Variants in PCDHGB5 observed in about 807,000 individuals in gnomAD.
PCDHGB5 encodes protocadherin gamma-B5.
In PCDHGB5, 48 loss-of-function variants were observed where a neutral mutation model predicts 62.9. The ratio of observed to expected loss-of-function variants is 0.76; its 90% CI spans 0.61 to 0.97. The LOEUF (loss-of-function observed/expected upper bound fraction) is 0.97. Among genes scored for constraint, PCDHGB5 ranks in the 50% least tolerant of loss-of-function variants. The pLI, the probability that PCDHGB5 is intolerant of heterozygous loss-of-function variation, is 0.00. For synonymous variants in PCDHGB5, 474 were observed against 511.2 expected (o/e 0.93, Z 0.98); for missense variants, 1,118 against 1,198.6 (o/e 0.93, Z 0.99).
At chr5:141,451,484 G>A (rs2098717067) in intron 1 of PCDHGB5, among the ~76,000 whole-genome samples, 1 of 152,194 alleles carries the variant, frequency 6.6e-6, no homozygotes, top group Admixed American at 6.5e-5. Flanking sequence ...CTTGCCATGT[G>A]GACCTCCATA....
chr5:141,440,451 A>G (rs2098179077), intron 1 of PCDHGB5: 1 of 152,230 alleles, frequency 6.6e-6, no homozygotes, highest in Non-Finnish European at 1.5e-5. Flanking sequence ...CATCTCAAAA[A>G]AAATGAACAA....
chr5:141,427,458 A>T (rs2097029342), intron 1 of PCDHGB5: 1 of 494,398 alleles, frequency 2.0e-6, no homozygotes, highest in African/African-American at 1.9e-5. Context: ...TCCTTTTAGA[A>T]TCGAATCTTC....
At chr5:141,503,916 C>T (rs1372491893) in intron 2 of PCDHGB5, among the ~76,000 whole-genome samples, 1 of 152,246 alleles carries the variant, frequency 6.6e-6, no homozygotes, top group African/African-American at 2.4e-5. Context: ...CAACGCAACA[C>T]ACACACAGAC....
chr5:141,489,427 C>T lies in PCDHGB5; in HGVS notation c.2398-5380C>T, dbSNP rs370540900. 83 of 1,613,990 alleles carry T rather than the reference C, an allele frequency of 5.1e-5. No individual in the cohort carries two copies. The highest frequency in any genetic ancestry group is 8.3e-5 in the Admixed American group (5 of 59,996). On this transcript the variant is annotated intron_variant, in intron 1 of 3. Transcript: ENST00000617380. The surrounding 1 kb of genome is among the most constrained non-coding windows in gnomAD (Gnocchi z 4.5). ...AAAGATGACAGATCTGTTGAGCCGGCGGCTGCAATTGGGCTCTGAGGAGAA... is the reference window on the plus strand; with the variant it reads ...AAAGATGACAGATCTGTTGAGCCGGTGGCTGCAATTGGGCTCTGAGGAGAA...
At chr5:141,451,238 T>A (rs1167769789) in intron 1 of PCDHGB5, among the ~76,000 whole-genome samples, 6 of 152,214 alleles carry the variant, frequency 3.9e-5, no homozygotes, top group African/African-American at 1.4e-4. Context: ...TATTATCTCA[T>A]AAATTTTGTG....
In PCDHGB5 at chr5:141,511,188, C is replaced by A; in HGVS notation, c.*15C>A. 1 of 1,613,804 alleles carries A rather than the reference C, an allele frequency of 6.2e-7. No homozygotes were observed. ...AGAAGAAGTAACATGGAGGCCAGGC[C>A]AAGAGCCACAGGGCGGCCTCTCCCC... On this transcript the variant is annotated 3_prime_UTR_variant, in exon 4 of 4. Transcript: ENST00000617380.
intron 1 of PCDHGB5, chr5:141,419,136 A>G: frequency 1.9e-6 from 3 of 1,613,918 alleles, no homozygotes; most frequent in Non-Finnish European, 1.7e-6. Context: ...GCAGCCACAG[A>G]CAGGGGCAAG....
chr5:141,414,486 AACGG>A, intron 1 of PCDHGB5: 1 of 1,613,938 alleles, frequency 6.2e-7, no homozygotes, highest in Non-Finnish European at 8.5e-7. Flanking sequence ...CTCCTCTATC[AACGG>A]AAGCTCACTT....
Position 141,476,852 on chromosome 5 carries a change from C to T in PCDHGB5, c.2398-17955C>T. 6.2e-7 allele frequency: 1 copy of T among 1,613,828 alleles called. No homozygotes were observed. Among genetic ancestry groups the T allele is most frequent in the Non-Finnish European group, 8.5e-7 (1 of 1,180,044 alleles). ...GAATGACAATGCGCCTGTCTTCAAC[C>T]AGTCCTTGTACCGGGCGCGCGTCCT... On this transcript the variant is annotated intron_variant, in intron 1 of 3. Coordinates refer to ENST00000617380, the MANE Select transcript of PCDHGB5 (RefSeq NM_018925.3). This position sits in a 1 kb window ranked among gnomAD's most constrained non-coding sequence, Gnocchi z 7.6.
chr5:141,408,717 T>C lies in PCDHGB5; in HGVS notation c.2397+8193T>C, dbSNP rs774691298. ...ATAAACTCAATTAAAGATTATAAGA[T>C]AAACTCTAATCCTTATTTTTCATTA... is the stretch of plus-strand genomic sequence containing the variant. On this transcript the variant is annotated intron_variant, in intron 1 of 3. Transcript: ENST00000617380. The C allele has an allele frequency of 1.9e-6, 3 of 1,611,662 alleles. No individual in the cohort carries two copies. In the South Asian group the frequency reaches 3.3e-5, roughly 18 times the overall value.
chr5:141,400,656 A>G (rs72790034), intron 1 of PCDHGB5, 132 bp downstream of exon 1: 33,230 of 1,084,006 alleles, frequency 0.031, 658 homozygotes, highest in East Asian at 0.041. Context: ...CTGTCCTACC[A>G]TTCTTTAAGA....
At chr5:141,451,315 T>A (rs2154563546) in intron 1 of PCDHGB5, among the ~76,000 whole-genome samples, 1 of 152,330 alleles carries the variant, frequency 6.6e-6, no homozygotes, top group South Asian at 2.1e-4. Context: ...GCAATTAAAG[T>A]GTCACCTAAG....
intron 1 of PCDHGB5, among the ~76,000 whole-genome samples, chr5:141,492,964 C>CT (rs2099745347): frequency 6.6e-6 from 1 of 152,354 alleles, no homozygotes; most frequent in Non-Finnish European, 1.5e-5. Context: ...ATCTGACACT[C>CT]TAACAAGTCC....
Position 141,400,678 on chromosome 5 carries a change from T to A in PCDHGB5, c.2397+154T>A. ...ACCATTCTTTAAGAGGAGCAGTAAA[T>A]TGTGAGTTTTTATGTCGCATAAAAG... On this transcript the variant is annotated intron_variant, in intron 1 of 3. Coordinates refer to ENST00000617380, the MANE Select transcript of PCDHGB5 (RefSeq NM_018925.3). 4.5e-6 allele frequency: 4 copies of A among 882,002 alleles called. No homozygotes were observed. In the South Asian group the frequency reaches 6.9e-5, roughly 15 times the overall value. The allele number at this position is 882,002 out of a possible 1,614,324, so 54.6% of individuals were successfully genotyped here.
chr5:141,456,263 T>C (rs2098847567), intron 1 of PCDHGB5, among the ~76,000 whole-genome samples: 2 of 152,292 alleles, frequency 1.3e-5, no homozygotes, highest in South Asian at 2.1e-4. Flanking sequence ...CCATTGCTTC[T>C]GGCTACTTCC....
At chr5:141,478,133 G>T (rs769287158) in intron 1 of PCDHGB5, 1 of 1,614,060 alleles carries the variant, frequency 6.2e-7, no homozygotes, top group Non-Finnish European at 8.5e-7. Flanking sequence ...CTCTCCTGAA[G>T]CCCGAGCCGA....
intron 1 of PCDHGB5, among the ~76,000 whole-genome samples, chr5:141,406,174 G>A (rs990967391): frequency 2.6e-5 from 4 of 151,264 alleles, no homozygotes; most frequent in African/African-American, 9.7e-5. Flanking sequence ...CTGGGCTTAT[G>A]CAATCCTCCC....
In PCDHGB5 at chr5:141,399,248, A is replaced by G. The variant is rs2150780633; in HGVS notation, c.1121A>G (p.Glu374Gly). 6.2e-7 allele frequency: 1 copy of G among 1,613,870 alleles called. No homozygotes were observed. Among genetic ancestry groups the G allele is most frequent in the South Asian group, 1.1e-5 (1 of 91,072 alleles). ...AAAATACATGACCAAGATTCTGGGGAAAATGGGGAGGTTAATTGTCAATTA... is the reference window on the plus strand; with the variant it reads ...AAAATACATGACCAAGATTCTGGGGGAAATGGGGAGGTTAATTGTCAATTA... Reference protein sequence around the residue: ...LIKIHDQDSGENGEVNCQLQG... With the variant: ...LIKIHDQDSGGNGEVNCQLQG... The change falls in exon 1 of 4, where the codon GAA (glutamate) becomes GGA (glycine). Residue 374 changes from glutamate to glycine, a missense_variant. By Grantham distance (98) the Glu-to-Gly change is moderately conservative (BLOSUM62 -2). Transcript: ENST00000617380.
Position 141,486,278 on chromosome 5 carries a change from G to C in PCDHGB5, c.2398-8529G>C, listed in dbSNP as rs774763063. On this transcript the variant is annotated intron_variant, in intron 1 of 3. Coordinates refer to ENST00000617380, the MANE Select transcript of PCDHGB5 (RefSeq NM_018925.3). The surrounding 1 kb of genome is among the most constrained non-coding windows in gnomAD (Gnocchi z 5.0). ...CGAGAGTGCAGAACCTGGCACTGTG[G>C]TGGCACTTATCAGTGTGCAGGATCC... is the stretch of plus-strand genomic sequence containing the variant. 4 of 1,613,970 alleles carry C rather than the reference G, an allele frequency of 2.5e-6. No individual in the cohort carries two copies. In the South Asian group the frequency reaches 4.4e-5, roughly 18 times the overall value.
Sources: allele counts gnomAD v4.1 joint callset (sites outside exome capture counted in the v4.1 genomes callset), GRCh38; gene constraint gnomAD v4.1.1; non-coding constraint Gnocchi (gnomAD v3.1); transcripts MANE v1.5; gene names NCBI Gene and HGNC (gene_info 2026-07-23, HGNC 2026-07-21).